Variants in RPS6KC1 observed in about 807,000 individuals in gnomAD.
RPS6KC1 encodes the protein ribosomal protein S6 kinase C1.
RPS6KC1 carries 54 observed loss-of-function variants against 103.8 expected under a neutral mutation model. The observed-to-expected ratio is 0.52, with a 90% confidence interval of 0.42 to 0.65. The LOEUF (loss-of-function observed/expected upper bound fraction) is 0.65, where lower values mean the gene tolerates loss of function less well. Among genes scored for constraint, RPS6KC1 ranks in the 30% least tolerant of loss-of-function variants. The probability of loss-of-function intolerance (pLI) is 0.00; values close to 1 mark genes in which losing one functional copy is unlikely to be tolerated. For missense variants in RPS6KC1, 1,151 were observed against 1,253.8 expected, an observed-to-expected ratio of 0.92 and a Z score of 1.24; for synonymous variants, 439 against 438.7, an observed-to-expected ratio of 1.00 and a Z score of -0.01.
chr1:213,761,037 T>C, the RPS6KC1 span, among the ~76,000 whole-genome samples: 3 of 151,924 alleles, frequency 2.0e-5, no homozygotes, highest in East Asian at 5.8e-4. Flanking sequence ...GTTTATGTTG[T>C]ATATTATAAG....
the RPS6KC1 span, among the ~76,000 whole-genome samples, chr1:213,766,389 C>T: frequency 6.6e-6 from 1 of 152,126 alleles, no homozygotes; most frequent in Admixed American, 6.6e-5. Context: ...TCATCAAGAG[C>T]ACAAACCAGG....
the RPS6KC1 span, among the ~76,000 whole-genome samples, chr1:213,679,001 C>T: frequency 2.6e-5 from 4 of 152,312 alleles, no homozygotes; most frequent in South Asian, 8.3e-4. Context: ...TTTGAACATT[C>T]CTTCCATGTT....
chr1:213,335,147 A>G, the RPS6KC1 span, among the ~76,000 whole-genome samples: 32 of 152,360 alleles, frequency 2.1e-4, no homozygotes, highest in Admixed American at 1.9e-3. Flanking sequence ...CAGCTCTGAC[A>G]GTCATTTTTC....
At chr1:213,537,892 G>C in the RPS6KC1 span, among the ~76,000 whole-genome samples, 1 of 152,120 alleles carries the variant, frequency 6.6e-6, no homozygotes, top group African/African-American at 2.4e-5. Flanking sequence ...TTATGAACAT[G>C]GTCACTTTTT....
At chr1:213,104,797 C>T (rs1193325285) in intron 4 of RPS6KC1, among the ~76,000 whole-genome samples, 1 of 145,738 alleles carries the variant, frequency 6.9e-6, no homozygotes, top group Non-Finnish European at 1.5e-5. Context: ...GACTGTTGTT[C>T]AGTGGCCATT....
At chr1:213,488,872 A>G in the RPS6KC1 span, among the ~76,000 whole-genome samples, 2 of 152,210 alleles carry the variant, frequency 1.3e-5, no homozygotes, top group Non-Finnish European at 2.9e-5. Context: ...ATAAATTGGT[A>G]AGCAAATACT....
chr1:213,597,244 T>C, the RPS6KC1 span, among the ~76,000 whole-genome samples: 7 of 152,244 alleles, frequency 4.6e-5, no homozygotes, highest in African/African-American at 1.4e-4. Flanking sequence ...ACCTATACTT[T>C]ATTCTGGTTA....
At chr1:213,774,361 A>G in the RPS6KC1 span, among the ~76,000 whole-genome samples, 1 of 152,180 alleles carries the variant, frequency 6.6e-6, no homozygotes, top group African/African-American at 2.4e-5. Context: ...TCAGAATACA[A>G]ACTAAAGGGC....
the RPS6KC1 span, among the ~76,000 whole-genome samples, chr1:213,724,893 C>T: frequency 1.3e-5 from 2 of 152,170 alleles, no homozygotes; most frequent in African/African-American, 2.4e-5. Flanking sequence ...TCTCTTTTCA[C>T]ATTTATAGTC....
the RPS6KC1 span, among the ~76,000 whole-genome samples, chr1:213,736,889 G>C: frequency 6.6e-6 from 1 of 152,206 alleles, no homozygotes; most frequent in South Asian, 2.1e-4. Context: ...TATTAGGGGT[G>C]AAAGAGAAAC....
chr1:213,359,096 A>G, the RPS6KC1 span, among the ~76,000 whole-genome samples: 20 of 152,140 alleles, frequency 1.3e-4, no homozygotes, highest in Non-Finnish European at 2.9e-4. Flanking sequence ...GCTGAATTCA[A>G]TTCCTGGGTA....
chr1:213,476,432 C>T, the RPS6KC1 span, among the ~76,000 whole-genome samples: 21 of 152,324 alleles, frequency 1.4e-4, no homozygotes, highest in South Asian at 2.5e-3. Flanking sequence ...CTTCATGAAA[C>T]ACTCTGAGTG....
intron 5 of RPS6KC1, among the ~76,000 whole-genome samples, chr1:213,124,141 A>T (rs2084710348): frequency 6.6e-6 from 1 of 152,128 alleles, no homozygotes; most frequent in Admixed American, 6.6e-5. Flanking sequence ...GCCCTCTAAT[A>T]GCCCTGAGAC....
At chr1:213,579,484 T>C in the RPS6KC1 span, among the ~76,000 whole-genome samples, 306 of 152,180 alleles carry the variant, frequency 2.0e-3, 12 homozygotes, top group Non-Finnish European at 4.4e-4. Context: ...TGTTAAGTTG[T>C]AGCAAGTTAT....
chr1:213,545,411 T>TAAATA, the RPS6KC1 span, among the ~76,000 whole-genome samples: 36 of 75,286 alleles, frequency 4.8e-4, no homozygotes, highest in East Asian at 1.2e-3. Flanking sequence ...AATAAATAAA[T>TAAATA]AAATAAAATA....
chr1:213,339,617 A>G, the RPS6KC1 span, among the ~76,000 whole-genome samples: 3 of 152,260 alleles, frequency 2.0e-5, no homozygotes, highest in Non-Finnish European at 4.4e-5. Context: ...AATATACTTC[A>G]GATCTCTTTC....
At chr1:213,647,380 G>A in the RPS6KC1 span, among the ~76,000 whole-genome samples, 1 of 152,222 alleles carries the variant, frequency 6.6e-6, no homozygotes, top group Non-Finnish European at 1.5e-5. Context: ...CTATAAATAA[G>A]GTTTTTGGGA....
chr1:213,253,470 C>G (rs1250499775), intron 12 of RPS6KC1, among the ~76,000 whole-genome samples: 1 of 152,146 alleles, frequency 6.6e-6, no homozygotes, highest in Non-Finnish European at 1.5e-5. Flanking sequence ...GCTTAAAATG[C>G]AAGATGGTTC....
At chr1:213,585,133 C>T in the RPS6KC1 span, among the ~76,000 whole-genome samples, 1 of 152,098 alleles carries the variant, frequency 6.6e-6, no homozygotes, top group Non-Finnish European at 1.5e-5. Context: ...CTTCATTTAC[C>T]CTCCTTAATT....
Sources: allele counts gnomAD v4.1 joint callset (sites outside exome capture counted in the v4.1 genomes callset), GRCh38; gene constraint gnomAD v4.1.1; transcripts MANE v1.5; gene names NCBI Gene and HGNC (gene_info 2026-07-23, HGNC 2026-07-21).